Variants in ADGRD1 observed in about 807,000 individuals in gnomAD.
ADGRD1 encodes adhesion G protein-coupled receptor D1.
ADGRD1 carries 77 observed loss-of-function variants against 113.4 expected under a neutral mutation model. The ratio of observed to expected loss-of-function variants is 0.68; its 90% confidence interval spans 0.57 to 0.82. The LOEUF (loss-of-function observed/expected upper bound fraction) is 0.82. Among genes scored for constraint, ADGRD1 ranks in the 40% least tolerant of loss-of-function variants. ADGRD1 has a pLI of 0.00. For synonymous variants in ADGRD1, 474 were observed against 475.0 expected, an observed-to-expected ratio of 1.00 and a Z score of 0.03; for missense variants, 1,036 against 1,139.1, an observed-to-expected ratio of 0.91 and a Z score of 1.30.
intron 15 of ADGRD1, among the ~76,000 whole-genome samples, chr12:131,086,044 C>T (rs1886439752): frequency 6.6e-6 from 1 of 152,120 alleles, no homozygotes; most frequent in Non-Finnish European, 1.5e-5. Flanking sequence ...TCAGGTGGTT[C>T]CCAGCAGGCA....
chr12:131,092,254 G>A (rs10848280), intron 15 of ADGRD1: 76,586 of 152,206 alleles, frequency 0.5, 19,688 homozygotes, highest in East Asian at 0.77. Context: ...ACTACTCAGC[G>A]TTTCTTGCTG....
At chr12:131,018,141 G>C (rs921018124) in intron 13 of ADGRD1, among the ~76,000 whole-genome samples, 2 of 152,176 alleles carry the variant, frequency 1.3e-5, no homozygotes, top group African/African-American at 4.8e-5. Context: ...CACAGAGCGG[G>C]TCTCCAGGGT....
intron 13 of ADGRD1, among the ~76,000 whole-genome samples, chr12:131,049,600 T>A (rs916815744): frequency 6.6e-6 from 1 of 152,176 alleles, no homozygotes; most frequent in African/African-American, 2.4e-5. Context: ...TCATGACTTG[T>A]CTCCTGGCGA....
intron 2 of ADGRD1, among the ~76,000 whole-genome samples, chr12:130,964,577 T>C (rs1033328087): frequency 6.6e-6 from 1 of 151,990 alleles, no homozygotes; most frequent in Non-Finnish European, 1.5e-5. Flanking sequence ...CCCAGCTACT[T>C]GGGAGGCTGA....
intron 21 of ADGRD1, among the ~76,000 whole-genome samples, chr12:131,135,272 G>A (rs1161667457): frequency 6.6e-6 from 1 of 152,136 alleles, no homozygotes; most frequent in South Asian, 2.1e-4. Context: ...GGGGCTGTGG[G>A]GCCTCAGTTT....
chr12:131,130,362 A>C (rs1288078082), intron 20 of ADGRD1, among the ~76,000 whole-genome samples: 1 of 152,158 alleles, frequency 6.6e-6, no homozygotes, highest in African/African-American at 2.4e-5. Context: ...GGAGCCGAGG[A>C]GGGAACAGTT....
chr12:131,100,055 G>T (rs1211356559), intron 15 of ADGRD1, among the ~76,000 whole-genome samples: 1 of 152,170 alleles, frequency 6.6e-6, no homozygotes, highest in Non-Finnish European at 1.5e-5. Context: ...TGAAGATAAA[G>T]TTGGTTGATG....
At chr12:130,996,877 A>T (rs1212922490) in intron 8 of ADGRD1, among the ~76,000 whole-genome samples, 6 of 110,410 alleles carry the variant, frequency 5.4e-5, no homozygotes, top group Admixed American at 8.6e-5. Context: ...CTGGCCGGGC[A>T]GAGGGGCTCC....
chr12:130,972,461 A>G (rs887287114), intron 4 of ADGRD1, among the ~76,000 whole-genome samples: 1 of 152,212 alleles, frequency 6.6e-6, no homozygotes, highest in Non-Finnish European at 1.5e-5. Context: ...TTAGCAAGGC[A>G]AAAACATGTG....
At chr12:130,995,374 G>T (rs1271001983) in intron 8 of ADGRD1, among the ~76,000 whole-genome samples, 3 of 152,126 alleles carry the variant, frequency 2.0e-5, no homozygotes, top group Non-Finnish European at 4.4e-5. Context: ...GCAACACAAG[G>T]CAATGCAGGT....
At chr12:131,009,735 T>C (rs922510634) in intron 12 of ADGRD1, among the ~76,000 whole-genome samples, 5 of 152,198 alleles carry the variant, frequency 3.3e-5, no homozygotes, top group Non-Finnish European at 7.3e-5. Context: ...GTGTTTTGTG[T>C]GTGCTGTGGG....
Position 131,004,215 on chromosome 12 carries a change from A to C in ADGRD1, c.1174A>C (p.Thr392Pro). Residue 392 changes from threonine to proline, a missense_variant, in exon 11 of 25, where the codon ACC becomes CCC. Physicochemically the swap from Thr to Pro is conservative, Grantham distance 38. Coordinates refer to ENST00000261654, the MANE Select transcript of ADGRD1 (RefSeq NM_198827.5). ...EFSVAKILPK[T>P]VNSSHYRFPA... is the part of the protein sequence containing the mutation. Reference sequence around the variant, plus strand: ...TTCCGTGGCCAAAATCCTGCCCAAGACCGTGAATTCCTCCCATTACCGCTT... The same window carrying C: ...TTCCGTGGCCAAAATCCTGCCCAAGCCCGTGAATTCCTCCCATTACCGCTT... 2 of 1,613,676 alleles carry C rather than the reference A, an allele frequency of 1.2e-6. No homozygotes were observed. Among genetic ancestry groups the C allele is most frequent in the Non-Finnish European group, 1.7e-6 (2 of 1,179,890 alleles).
chr12:130,958,912 G>A (rs1278369823), intron 2 of ADGRD1, among the ~76,000 whole-genome samples: 2 of 152,246 alleles, frequency 1.3e-5, no homozygotes, highest in Admixed American at 1.3e-4. Context: ...CACCGCGGGT[G>A]GAGAAGCGTG....
chr12:131,025,269 C>T (rs1467637116), intron 13 of ADGRD1, among the ~76,000 whole-genome samples: 4 of 152,140 alleles, frequency 2.6e-5, no homozygotes, highest in African/African-American at 7.2e-5. Context: ...CTTAGCCAAG[C>T]GTTCTCTAGG....
chr12:131,060,411 C>T lies in ADGRD1; in HGVS notation c.1474-16390C>T, dbSNP rs920278017. 6.6e-6 allele frequency among the ~76,000 whole-genome samples: 1 copy of T among 152,210 alleles called. No homozygotes were observed. Among genetic ancestry groups the T allele is most frequent in the Non-Finnish European group, 1.5e-5 (1 of 68,028 alleles). ...AATAGCTCAGGAGGCAAATAATCCA[C>T]GCAGGCAGCGACAGCAGGGGTCATG... is the stretch of plus-strand genomic sequence containing the variant. On this transcript the variant is annotated intron_variant, in intron 13 of 24. Coordinates refer to ENST00000261654, the MANE Select transcript of ADGRD1 (RefSeq NM_198827.5). The surrounding 1 kb of genome is among the most constrained non-coding windows in gnomAD (Gnocchi z 4.4).
chr12:130,995,945 CCT>C (rs1875249483), intron 8 of ADGRD1, among the ~76,000 whole-genome samples: 1 of 151,794 alleles, frequency 6.6e-6, no homozygotes, highest in Non-Finnish European at 1.5e-5. Context: ...TGTTTGTGTC[CCT>C]GATTACTTGA....
At position 130,990,994 on chromosome 12, in the gene ADGRD1, T is replaced by C; in HGVS notation, c.746-20T>C. The C allele has an allele frequency of 6.2e-7, 1 of 1,611,262 alleles. No homozygotes were observed. The highest frequency in any genetic ancestry group is 2.2e-5 in the East Asian group (1 of 44,860). On this transcript the variant is annotated intron_variant, in intron 6 of 24. Coordinates refer to ENST00000261654, the MANE Select transcript of ADGRD1 (RefSeq NM_198827.5). ...AAAGTGACCATGTTTTAGTCCTTAA[T>C]CCAGCATTGTTTCTTCCAGGAAAGC...
In ADGRD1 at chr12:131,005,953, C is replaced by T; in HGVS notation, c.1256-19C>T. 6.2e-7 allele frequency: 1 copy of T among 1,604,544 alleles called. No homozygotes were observed. The highest frequency in any genetic ancestry group is 8.5e-7 in the Non-Finnish European group (1 of 1,175,772). ...GGCCTGGAGCGCTGACAGCGCCTGCCCCTCTGCTCTCTCTGCAGCCTGGAG... is the reference window on the plus strand; with the variant it reads ...GGCCTGGAGCGCTGACAGCGCCTGCTCCTCTGCTCTCTCTGCAGCCTGGAG... On this transcript the variant is annotated intron_variant, in intron 11 of 24. Transcript: ENST00000261654.
Position 130,959,415 on chromosome 12 carries a change from T to C in ADGRD1, c.103+4755T>C, listed in dbSNP as rs192228736. ...AGTGAGACCCCACCTTTATAAAAAATAAACATTCAGCTGAGCATGGTGGTG... is the reference window on the plus strand; with the variant it reads ...AGTGAGACCCCACCTTTATAAAAAACAAACATTCAGCTGAGCATGGTGGTG... On this transcript the variant is annotated intron_variant, in intron 2 of 24. Coordinates refer to ENST00000261654, the MANE Select transcript of ADGRD1 (RefSeq NM_198827.5). Among the ~76,000 whole-genome samples the C allele has an allele frequency of 3.3e-5, 5 of 152,018 alleles. No homozygotes were observed. In the East Asian group the frequency reaches 7.8e-4, roughly 24 times the overall value.
Sources: gnomAD v4.1 joint callset for allele counts (sites outside exome capture counted in the v4.1 genomes callset) on GRCh38, gnomAD v4.1.1 for gene constraint, Gnocchi (gnomAD v3.1) non-coding constraint, MANE v1.5 for transcripts, NCBI Gene and HGNC (gene_info 2026-07-23, HGNC 2026-07-21) for gene names.